GPHN: variants seen among roughly 807,000 people sequenced by gnomAD.
The protein encoded by GPHN is gephyrin.
GPHN carries 17 observed loss-of-function variants against 95.5 expected under a neutral mutation model. The ratio of observed to expected loss-of-function variants is 0.18; its 90% CI spans 0.12 to 0.27. The LOEUF (loss-of-function observed/expected upper bound fraction) is 0.27, where lower values mean the gene tolerates loss of function less well. Among genes scored for constraint, GPHN ranks in the 10% least tolerant of loss-of-function variants. The pLI is 1.00. For synonymous variants in GPHN, 320 were observed against 322.5 expected (o/e 0.99, Z 0.08); for missense variants, 660 against 978.1 (o/e 0.67, Z 4.34).
intron 21 of GPHN, among the ~76,000 whole-genome samples, chr14:67,173,302 C>T (rs1478485383): frequency 6.6e-6 from 1 of 152,180 alleles, no homozygotes; most frequent in Non-Finnish European, 1.5e-5. Context: ...AGAGGGATCT[C>T]CCTAGGCTAT....
At chr14:67,317,394 T>C in the GPHN span, 12 of 1,604,074 alleles carry the variant, frequency 7.5e-6, no homozygotes, top group Admixed American at 1.7e-5. Context: ...GTTATGTTTA[T>C]GATTGCTCAA....
the GPHN span, among the ~76,000 whole-genome samples, chr14:67,377,435 C>G: frequency 6.6e-6 from 1 of 152,210 alleles, no homozygotes; most frequent in Non-Finnish European, 1.5e-5. Flanking sequence ...GAAAACCACT[C>G]TATCCCTGCT....
chr14:66,597,822 C>T (rs2062047049), intron 1 of GPHN, among the ~76,000 whole-genome samples: 1 of 152,206 alleles, frequency 6.6e-6, no homozygotes, highest in Non-Finnish European at 1.5e-5. Context: ...CCACTACTAC[C>T]ATCACTTCCA....
At chr14:67,505,571 G>A in the GPHN span, among the ~76,000 whole-genome samples, 1 of 152,170 alleles carries the variant, frequency 6.6e-6, no homozygotes, top group Non-Finnish European at 1.5e-5. Flanking sequence ...ATGTGGGCTG[G>A]CATGAGGTCA....
At chr14:66,870,167 G>C (rs929159011) in intron 4 of GPHN, among the ~76,000 whole-genome samples, 1 of 152,162 alleles carries the variant, frequency 6.6e-6, no homozygotes, top group Non-Finnish European at 1.5e-5. Flanking sequence ...TGATACAAAC[G>C]TGAGAAAGAC....
At chr14:66,703,838 T>A (rs1334401377) in intron 2 of GPHN, among the ~76,000 whole-genome samples, 1 of 152,054 alleles carries the variant, frequency 6.6e-6, no homozygotes, top group Non-Finnish European at 1.5e-5. Flanking sequence ...AAACACAGAT[T>A]GGCAAATTAA....
chr14:67,726,290 C>T, the GPHN span: 2 of 714,992 alleles, frequency 2.8e-6, no homozygotes, highest in Non-Finnish European at 5.2e-6. Flanking sequence ...GACCCATTGG[C>T]TTGTTGTTCA....
At chr14:67,646,721 C>G in the GPHN span, 25 of 1,612,656 alleles carry the variant, frequency 1.6e-5, no homozygotes, top group African/African-American at 4.0e-5. Flanking sequence ...GTCTGAGAGA[C>G]GTGGACCCTC....
At chr14:66,924,546 C>A (rs1318484940) in intron 8 of GPHN, among the ~76,000 whole-genome samples, 1 of 152,138 alleles carries the variant, frequency 6.6e-6, no homozygotes, top group African/African-American at 2.4e-5. Context: ...AAATGACTTG[C>A]AAGAAAGTCA....
chr14:67,620,191 G>A, the GPHN span: 2 of 794,290 alleles, frequency 2.5e-6, no homozygotes, highest in Non-Finnish European at 3.9e-6. Context: ...GGAGAGGATG[G>A]GGAGAAATGG....
At chr14:67,537,012 C>A in the GPHN span, among the ~76,000 whole-genome samples, 3 of 150,150 alleles carry the variant, frequency 2.0e-5, no homozygotes, top group Non-Finnish European at 4.4e-5. Flanking sequence ...TGTACTCCAG[C>A]CTGGGTGACA....
chr14:66,807,484 ATAG>A (rs1223277943), intron 3 of GPHN, among the ~76,000 whole-genome samples: 2 of 152,230 alleles, frequency 1.3e-5, no homozygotes, highest in African/African-American at 4.8e-5. Flanking sequence ...GTGAGAGTTA[ATAG>A]TAGAATAAAT....
chr14:66,836,364 T>C (rs2061811170), intron 4 of GPHN, among the ~76,000 whole-genome samples: 1 of 143,176 alleles, frequency 7.0e-6, no homozygotes, highest in Non-Finnish European at 1.5e-5. Flanking sequence ...ATTTAATAAA[T>C]GGTGCTGGGA....
chr14:67,156,837 G>A (rs1209163858), intron 18 of GPHN, among the ~76,000 whole-genome samples: 1 of 151,986 alleles, frequency 6.6e-6, no homozygotes, highest in Non-Finnish European at 1.5e-5. Flanking sequence ...GGGTGTGGTG[G>A]CATGTGCCTG....
chr14:67,481,524 G>T, the GPHN span, among the ~76,000 whole-genome samples: 1 of 152,212 alleles, frequency 6.6e-6, no homozygotes, highest in Non-Finnish European at 1.5e-5. Context: ...GGGTTGAAGA[G>T]AAAGGAATAG....
At chr14:67,439,188 T>C in the GPHN span, among the ~76,000 whole-genome samples, 1 of 152,222 alleles carries the variant, frequency 6.6e-6, no homozygotes, top group African/African-American at 2.4e-5. Flanking sequence ...GTCTGTGAAA[T>C]GGGGATAATG....
intron 2 of GPHN, among the ~76,000 whole-genome samples, chr14:66,703,991 GAAA>G (rs111469791): frequency 1.4e-5 from 2 of 139,732 alleles, no homozygotes; most frequent in African/African-American, 2.6e-5. Flanking sequence ...AAGAAAAAAA[GAAA>G]AAAAAAAGGG....
the GPHN span, chr14:67,334,928 G>GCTAAA: frequency 1.1e-4 from 17 of 152,220 alleles, no homozygotes; most frequent in Non-Finnish European, 1.6e-4. Context: ...AACTCCAAGA[G>GCTAAA]CTAAACTATT....
At chr14:66,599,857 A>G (rs1293134354) in intron 1 of GPHN, among the ~76,000 whole-genome samples, 4 of 152,030 alleles carry the variant, frequency 2.6e-5, no homozygotes, top group African/African-American at 9.7e-5. Flanking sequence ...CTATATCTAT[A>G]TCTATATGTA....
Sources: allele counts gnomAD v4.1 joint callset (sites outside exome capture counted in the v4.1 genomes callset), GRCh38; gene constraint gnomAD v4.1.1; transcripts MANE v1.5; gene names NCBI Gene and HGNC (gene_info 2026-07-23, HGNC 2026-07-21).